BAMBI: variants seen among roughly 807,000 people sequenced by gnomAD.
BAMBI encodes BMP and activin membrane-bound inhibitor homolog.
In BAMBI, 21 loss-of-function variants were observed where a neutral mutation model predicts 24.1. That is an observed-to-expected ratio of 0.87 (90% CI 0.62 to 1.26). The LOEUF is 1.26. Ranked by LOEUF, BAMBI falls within the 50% of genes most tolerant of loss-of-function variation. BAMBI has a pLI of 0.00. For synonymous variants in BAMBI, 156 were observed against 123.1 expected (o/e 1.27, Z -1.77); for missense variants, 388 against 329.1 (o/e 1.18, Z -1.38).
intron 1 of BAMBI, among the ~76,000 whole-genome samples, chr10:28,680,293 C>A (rs1358319665): frequency 1.3e-5 from 2 of 152,106 alleles, no homozygotes; most frequent in Non-Finnish European, 2.9e-5. Context: ...ATTATTTCAA[C>A]GAGAAACTGA....
Position 28,677,937 on chromosome 10 carries a change from C to G in BAMBI, c.40C>G (p.Leu14Val), listed in dbSNP as rs771937789. The G allele has an allele frequency of 4.6e-6, 7 of 1,534,990 alleles. No homozygotes were observed. Among genetic ancestry groups the G allele is most frequent in the Non-Finnish European group, 5.2e-6 (6 of 1,147,508 alleles). ...HSSYIFIWLQLELCAMAVLLT... is the reference protein window; with the variant it reads ...HSSYIFIWLQVELCAMAVLLT... ...CAGCTACATCTTCATCTGGCTGCAG[C>G]TGGAGCTCTGCGCCATGGCCGTGCT... The change falls in exon 1 of 3, where the codon CTG becomes GTG. Residue 14 changes from leucine to valine, a missense_variant. By Grantham distance (32) the Leu-to-Val change is conservative. Transcript: ENST00000375533.
intron 1 of BAMBI, 130 bp from the exon 2 acceptor site, chr10:28,681,126 CTG>C: frequency 2.2e-6 from 2 of 900,270 alleles, no homozygotes; most frequent in Non-Finnish European, 3.3e-6. Flanking sequence ...TCTCCAGGCT[CTG>C]TAGACTGGAG....
rs775011589 is a variant in BAMBI, at chr10:28,682,444, C to T, written c.*43C>T. ...TACACTTACTGAACAGCTTGAAGGCCTTTTGAGTTCTGCTGGACAGGAGCA... is the reference window on the plus strand; with the variant it reads ...TACACTTACTGAACAGCTTGAAGGCTTTTTGAGTTCTGCTGGACAGGAGCA... On this transcript the variant is annotated 3_prime_UTR_variant, in exon 3 of 3. Coordinates refer to ENST00000375533, the MANE Select transcript of BAMBI (RefSeq NM_012342.3). 1 of 1,547,586 alleles carries T rather than the reference C, an allele frequency of 6.5e-7. No homozygotes were observed. The highest frequency in any genetic ancestry group is 8.8e-7 in the Non-Finnish European group (1 of 1,138,102).
chr10:28,678,875 C>G (rs969362265), intron 1 of BAMBI, among the ~76,000 whole-genome samples: 10 of 151,854 alleles, frequency 6.6e-5, no homozygotes, highest in Non-Finnish European at 1.5e-4. Context: ...AGGCTTTCAC[C>G]TTTTAGAAAG....
At position 28,682,083 on chromosome 10, in the gene BAMBI, T is replaced by TGCCC; in HGVS notation, c.468_469insCGCC (p.Val157ArgfsTer24). 6.2e-7 allele frequency: 1 copy of TGCCC among 1,614,128 alleles called. No homozygotes were observed. Among genetic ancestry groups the TGCCC allele is most frequent in the South Asian group, 1.1e-5 (1 of 91,076 alleles). ...AGTTGTGGTTCCGGGCAGCGGTCAT[T>TGCCC]GCCGTGCCCATTGCTGGAGGGCTGA... On this transcript the variant is annotated frameshift_variant, in exon 3 of 3. Transcript: ENST00000375533. LOFTEE classifies it high-confidence loss of function.
chr10:28,680,722 G>A (rs1394880974), intron 1 of BAMBI, among the ~76,000 whole-genome samples: 2 of 152,190 alleles, frequency 1.3e-5, no homozygotes, highest in East Asian at 1.9e-4. Flanking sequence ...GCAAATAGCT[G>A]CCTAGTTTCA....
rs1370132487 is a variant in BAMBI, at chr10:28,677,723, G to A, written c.-175G>A. On this transcript the variant is annotated 5_prime_UTR_variant, in exon 1 of 3. Transcript: ENST00000375533. ...CCGGGAAACTTTTCTGGGCTCCTGG[G>A]CGCGCCCTGTAGCCGCGCTCCATGC... 3 of 312,124 alleles carry A rather than the reference G, an allele frequency of 9.6e-6. No homozygotes were observed. The highest frequency in any genetic ancestry group is 1.7e-5 in the Non-Finnish European group (3 of 176,478). 19.3% of individuals were successfully genotyped at this position (312,124 alleles called of 1,614,324 possible). A position where few individuals can be genotyped will look rare whatever the true frequency, so the allele number is the denominator to read the frequency against.
rs1834495710 is a variant in BAMBI, at chr10:28,681,416, A to G, written c.235A>G (p.Ile79Val). Residue 79 changes from isoleucine (I) to valine (V), a missense_variant, in exon 2 of 3, where the codon ATC (isoleucine) becomes GTC (valine). Ile to Val is a conservative substitution (Grantham distance 29). Transcript: ENST00000375533. ...GGACTCTCTTGCAAGCACGACAGACATCTGCCAAGCCAAACAGGCCCGAAA... is the reference window on the plus strand; with the variant it reads ...GGACTCTCTTGCAAGCACGACAGACGTCTGCCAAGCCAAACAGGCCCGAAA... ...CLDSLASTTDICQAKQARNHS... is the reference protein window; with the variant it reads ...CLDSLASTTDVCQAKQARNHS... The G allele has an allele frequency of 6.2e-7, 1 of 1,614,112 alleles. No individual in the cohort carries two copies. Among genetic ancestry groups the G allele is most frequent in the East Asian group, 2.2e-5 (1 of 44,894 alleles).
rs752362546 is a variant in BAMBI, at chr10:28,682,402, C to T, written c.*1C>T. ...GCACGGGAAGCTGGAATTCGTATGA[C>T]GGAGTCTTATCTGAACTACACTTAC... On this transcript the variant is annotated 3_prime_UTR_variant, in exon 3 of 3. Transcript: ENST00000375533. The T allele has an allele frequency of 1.3e-5, 21 of 1,607,796 alleles. No individual in the cohort carries two copies. In the East Asian group the frequency reaches 2.2e-4, roughly 17 times the overall value.
chr10:28,681,841 GT>G lies in BAMBI; in HGVS notation c.365-138del, dbSNP rs1834501380. The G allele has an allele frequency of 3.3e-6, 3 of 915,906 alleles. No individual in the cohort carries two copies. In the South Asian group the frequency reaches 5.2e-5, roughly 16 times the overall value. The allele number at this position is 915,906 out of a possible 1,614,324, so 56.7% of individuals were successfully genotyped here. ...ATGCGTTTGTAAGCTTCTTCAGATAGTTTTGCAATGTTTTCTAAATATCGTT... is the reference window on the plus strand; with the variant it reads ...ATGCGTTTGTAAGCTTCTTCAGATAGTTTGCAATGTTTTCTAAATATCGTT... On this transcript the variant is annotated intron_variant, in intron 2 of 2. Coordinates refer to ENST00000375533, the MANE Select transcript of BAMBI (RefSeq NM_012342.3).
In BAMBI at chr10:28,682,381, G is replaced by GGGAAGCT; in HGVS notation, c.768_774dup (p.Phe259AlafsTer15). 1 of 1,610,242 alleles carries GGGAAGCT rather than the reference G, an allele frequency of 6.2e-7. No homozygotes were observed. Among genetic ancestry groups the GGGAAGCT allele is most frequent in the Non-Finnish European group, 8.5e-7 (1 of 1,176,710 alleles). Reference sequence around the variant, plus strand: ...TCACTGGGGCATGTACAGTGGGCACGGGAAGCTGGAATTCGTATGACGGAG... The same window carrying GGGAAGCT: ...TCACTGGGGCATGTACAGTGGGCACGGGAAGCTGGAAGCTGGAATTCGTATGACGGAG... On this transcript the variant is annotated frameshift_variant, in exon 3 of 3. Coordinates refer to ENST00000375533, the MANE Select transcript of BAMBI (RefSeq NM_012342.3). LOFTEE classifies it high-confidence loss of function.
chr10:28,679,231 C>T (rs1834471138), intron 1 of BAMBI, among the ~76,000 whole-genome samples: 1 of 152,068 alleles, frequency 6.6e-6, no homozygotes, highest in African/African-American at 2.4e-5. Flanking sequence ...AAACTATGTG[C>T]CTGATAATGA....
chr10:28,682,895 CTTTTCTT>C lies in BAMBI; in HGVS notation c.*499_*505del, dbSNP rs1438727726. The C allele has an allele frequency of 6.9e-6, 1 of 144,304 alleles. No homozygotes were observed. The highest frequency in any genetic ancestry group is 7.0e-5 in the Admixed American group (1 of 14,350). 8.9% of individuals were successfully genotyped at this position (144,304 alleles called of 1,614,324 possible). ...GATGTGGCTTGGTTTTTTTTTTTCT[CTTTTCTT>C]TTTTAAACAAGACCAAGATCTTGCT... On this transcript the variant is annotated 3_prime_UTR_variant, in exon 3 of 3. Coordinates refer to ENST00000375533, the MANE Select transcript of BAMBI (RefSeq NM_012342.3).
Position 28,681,318 on chromosome 10 carries a change from C to T in BAMBI, c.137C>T (p.Ser46Phe). The change falls in exon 2 of 3, where the codon TCT (serine) becomes TTT (phenylalanine). Residue 46 changes from serine to phenylalanine, a missense_variant. Coordinates refer to ENST00000375533, the MANE Select transcript of BAMBI (RefSeq NM_012342.3). ...GTAGCCACTGGTTATATGTGTAAATCTGAGCTCAGCGCCTGCTTCTCTAGA... is the reference window on the plus strand; with the variant it reads ...GTAGCCACTGGTTATATGTGTAAATTTGAGCTCAGCGCCTGCTTCTCTAGA... ...HCVATGYMCK[S>F]ELSACFSRLL... 1 of 1,614,082 alleles carries T rather than the reference C, an allele frequency of 6.2e-7. No individual in the cohort carries two copies. The highest frequency in any genetic ancestry group is 8.5e-7 in the Non-Finnish European group (1 of 1,180,036).
chr10:28,681,568 C>G (rs918349866), intron 2 of BAMBI, 23 bp downstream of exon 2: 2 of 1,608,400 alleles, frequency 1.2e-6, no homozygotes, highest in Non-Finnish European at 1.7e-6. Context: ...CGTTTCTAAC[C>G]AGAATGCCTG....
chr10:28,677,949 G>T lies in BAMBI; in HGVS notation c.52G>T (p.Ala18Ser). ...IFIWLQLELC[A>S]MAVLLTKGEI... ...CATCTGGCTGCAGCTGGAGCTCTGC[G>T]CCATGGCCGTGCTGCTCACCAAAGG... Residue 18 changes from alanine (A) to serine (S), a missense_variant, in exon 1 of 3, where the codon GCC (alanine) becomes TCC (serine). By Grantham distance (99) the Ala-to-Ser change is moderately conservative. Transcript: ENST00000375533. 6.5e-7 allele frequency: 1 copy of T among 1,531,972 alleles called. No homozygotes were observed. The highest frequency in any genetic ancestry group is 1.2e-5 in the South Asian group (1 of 82,868). The allele number at this position is 1,531,972 out of a possible 1,614,324, so 94.9% of individuals were successfully genotyped here. A position where few individuals can be genotyped will look rare whatever the true frequency, so the allele number is the denominator to read the frequency against.
intron 1 of BAMBI, among the ~76,000 whole-genome samples, chr10:28,679,544 G>GTT (rs1834474970): frequency 6.6e-6 from 1 of 151,968 alleles, no homozygotes; most frequent in Admixed American, 6.6e-5. Context: ...AAAAAAAAAG[G>GTT]TAGTTAGAAC....
At chr10:28,678,190 C>T (rs1295934402) in intron 1 of BAMBI, among the ~76,000 whole-genome samples, 1 of 152,182 alleles carries the variant, frequency 6.6e-6, no homozygotes, top group Non-Finnish European at 1.5e-5. Context: ...GTCCTCCTGG[C>T]TCTGCCTGCG....
intron 1 of BAMBI, among the ~76,000 whole-genome samples, 180 bp downstream of exon 1, chr10:28,678,153 G>T (rs1202771404): frequency 6.6e-6 from 1 of 152,354 alleles, no homozygotes. Context: ...TGCGGACTCC[G>T]ATCTAAGGGC....
Sources: gnomAD v4.1 joint callset for allele counts (sites outside exome capture counted in the v4.1 genomes callset) on GRCh38, gnomAD v4.1.1 for gene constraint, MANE v1.5 for transcripts, NCBI Gene and HGNC (gene_info 2026-07-23, HGNC 2026-07-21) for gene names.